The following MYPN variants were observed in gnomAD, a reference collection of about 807,000 sequenced individuals.
MYPN encodes the protein myopalladin.
MYPN carries 63 observed loss-of-function variants against 129.4 expected under a neutral mutation model. The ratio of observed to expected loss-of-function variants is 0.49; its 90% CI spans 0.40 to 0.60. MYPN has a LOEUF of 0.60. Ranked by LOEUF, MYPN falls within the 20% of genes least tolerant of loss-of-function variation. The pLI, the probability that MYPN is intolerant of heterozygous loss-of-function variation, is 0.00. For missense variants in MYPN, 1,596 were observed against 1,635.4 expected (o/e 0.98, Z 0.42); for synonymous variants, 629 against 600.9 (o/e 1.05, Z -0.68).
At chr10:68,136,149 C>T (rs1007203918) in intron 2 of MYPN, 3 of 866,338 alleles carry the variant, frequency 3.5e-6, no homozygotes, top group African/African-American at 1.8e-5. Context: ...TGATAAAGAG[C>T]CAAAAGTCCA....
chr10:68,206,948 C>A (rs895751397), intron 19 of MYPN, 45 bp downstream of exon 19: 1 of 1,612,294 alleles, frequency 6.2e-7, no homozygotes, highest in Non-Finnish European at 8.5e-7. Flanking sequence ...CAACTGACAG[C>A]TTAAAAATAT....
At position 68,142,993 on chromosome 10, in the gene MYPN, A is replaced by T; in HGVS notation, c.956A>T (p.Gln319Leu). Reference sequence around the variant, plus strand: ...AATTCCCCAGATATTCACATCGTCCAGGCAGGAAATCTGCACTCACTGACC... The same window carrying T: ...AATTCCCCAGATATTCACATCGTCCTGGCAGGAAATCTGCACTCACTGACC... ...LENSPDIHIV[Q>L]AGNLHSLTIA... The change falls in exon 3 of 20, where the codon CAG becomes CTG. Residue 319 changes from glutamine to leucine, a missense_variant. Transcript: ENST00000358913. 3.1e-6 allele frequency: 5 copies of T among 1,614,202 alleles called. No individual in the cohort carries two copies. The highest frequency in any genetic ancestry group is 4.2e-6 in the Non-Finnish European group (5 of 1,180,018).
chr10:68,150,667 G>A (rs1414273971), intron 6 of MYPN, among the ~76,000 whole-genome samples: 2 of 152,158 alleles, frequency 1.3e-5, no homozygotes, highest in African/African-American at 4.8e-5. Flanking sequence ...CCAAGGGAGG[G>A]CCAGAGAGAT....
chr10:68,101,127 A>C (rs74143010), upstream of MYPN, among the ~76,000 whole-genome samples: 839 of 152,256 alleles, frequency 5.5e-3, 7 homozygotes, highest in African/African-American at 0.019. Flanking sequence ...AAAAAGAAAA[A>C]TTTTGTATAG....
intron 10 of MYPN, among the ~76,000 whole-genome samples, chr10:68,170,805 C>A (rs1364072603): frequency 4.6e-5 from 7 of 152,156 alleles, no homozygotes. Flanking sequence ...AATCTCTCCA[C>A]AGATTATTTT....
intron 2 of MYPN, among the ~76,000 whole-genome samples, chr10:68,134,894 T>C (rs868356477): frequency 4.3e-4 from 66 of 152,290 alleles, no homozygotes; most frequent in Middle Eastern, 3.4e-3. Flanking sequence ...CTTATGCTTT[T>C]CTTAAGTTAC....
chr10:68,131,992 C>T (rs747960914), intron 2 of MYPN, among the ~76,000 whole-genome samples: 8 of 151,902 alleles, frequency 5.3e-5, no homozygotes, highest in Non-Finnish European at 1.0e-4. Flanking sequence ...CTTTATAATC[C>T]TCTATTTCGT....
chr10:68,117,676 C>T (rs956295970), intron 1 of MYPN, among the ~76,000 whole-genome samples: 1 of 152,092 alleles, frequency 6.6e-6, no homozygotes, highest in African/African-American at 2.4e-5. Context: ...TGAATGTAGA[C>T]TTTGGTTTTT....
At chr10:68,170,738 A>G (rs1194759542) in intron 10 of MYPN, among the ~76,000 whole-genome samples, 1 of 152,220 alleles carries the variant, frequency 6.6e-6, no homozygotes, top group African/African-American at 2.4e-5. Flanking sequence ...GCTACACTCT[A>G]GAATAAAATG....
chr10:68,115,644 C>T (rs1376854598), intron 1 of MYPN, among the ~76,000 whole-genome samples: 1 of 152,182 alleles, frequency 6.6e-6, no homozygotes, highest in Non-Finnish European at 1.5e-5. Context: ...TGCATAGCAG[C>T]CATGATGGAA....
At position 68,143,037 on chromosome 10, in the gene MYPN, G is replaced by A. The variant is rs751334582; in HGVS notation, c.1000G>A (p.Glu334Lys). ...HSLTIAEAFE[E>K]DTGRYSCFAS... ...ACTGACCATTGCGGAAGCCTTTGAA[G>A]AGGACACAGGACGCTATTCCTGCTT... The change falls in exon 3 of 20, where the codon GAG (glutamate) becomes AAG (lysine). Residue 334 changes from glutamate to lysine, a missense_variant. Glu to Lys is a moderately conservative substitution (Grantham distance 56, BLOSUM62 1). Transcript: ENST00000358913. 1.9e-6 allele frequency: 3 copies of A among 1,614,168 alleles called. No homozygotes were observed. The highest frequency in any genetic ancestry group is 2.5e-6 in the Non-Finnish European group (3 of 1,180,008).
chr10:68,132,980 C>G (rs1207949592), intron 2 of MYPN, among the ~76,000 whole-genome samples: 1 of 151,562 alleles, frequency 6.6e-6, no homozygotes, highest in Non-Finnish European at 1.5e-5. Context: ...CACCCCAAAA[C>G]CTAACTGGAA....
At position 68,158,432 on chromosome 10, in the gene MYPN, G is replaced by A. The variant is rs1358636862; in HGVS notation, c.1318-54G>A. ...TTTCTAAAATTCAACACCGAAACTA[G>A]ATTACAAAAATGTGTACTTTTTTGT... is the stretch of plus-strand genomic sequence containing the variant. On this transcript the variant is annotated intron_variant, in intron 6 of 19. Coordinates refer to ENST00000358913, the MANE Select transcript of MYPN (RefSeq NM_032578.4). The A allele has an allele frequency of 1.9e-6, 3 of 1,561,848 alleles. No homozygotes were observed. The East Asian group carries it at 6.7e-5, about 35-fold the overall frequency.
chr10:68,145,636 AC>A, intron 4 of MYPN, 110 bp downstream of exon 4: 1 of 849,622 alleles, frequency 1.2e-6, no homozygotes, highest in Non-Finnish European at 1.9e-6. Flanking sequence ...CCAGGGTTTG[AC>A]CACAAAAATA....
At position 68,161,741 on chromosome 10, in the gene MYPN, T is replaced by G; in HGVS notation, c.1472T>G (p.Met491Arg). Reference protein sequence around the residue: ...FRILQKKPRSMAEPEEICTLV... With the variant: ...FRILQKKPRSRAEPEEICTLV... ...TCTTTTCTTTTAGAACCTCGATCCATGGCAGAGCCAGGTAAAGATGATTTC... is the reference window on the plus strand; with the variant it reads ...TCTTTTCTTTTAGAACCTCGATCCAGGGCAGAGCCAGGTAAAGATGATTTC... The change falls in exon 8 of 20, where the codon ATG (methionine) becomes AGG (arginine). Residue 491 changes from methionine (M) to arginine (R), a missense_variant. Met to Arg is a moderately conservative substitution (Grantham distance 91, BLOSUM62 -1). Transcript: ENST00000358913. 6.2e-7 allele frequency: 1 copy of G among 1,611,208 alleles called. No individual in the cohort carries two copies. The highest frequency in any genetic ancestry group is 8.5e-7 in the Non-Finnish European group (1 of 1,177,796).
chr10:68,094,667 C>T (rs1401955881), intron 1 of MYPN, among the ~76,000 whole-genome samples: 1 of 152,102 alleles, frequency 6.6e-6, no homozygotes, highest in Non-Finnish European at 1.5e-5. Flanking sequence ...AAATTTATTT[C>T]GTGATATGTA....
intron 12 of MYPN, among the ~76,000 whole-genome samples, chr10:68,186,083 CTT>C (rs969150740): frequency 6.6e-6 from 1 of 152,106 alleles, no homozygotes; most frequent in Non-Finnish European, 1.5e-5. Context: ...AGGAAATAAT[CTT>C]AATATATTTC....
chr10:68,166,486 T>C lies in MYPN; in HGVS notation c.1793T>C (p.Val598Ala), dbSNP rs1229958073. ...PRSSSRIGLR[V>A]HFNLPEDDKG... ...TCCAGCTCCAGGATTGGGCTTCGTG[T>C]GCACTTCAACCTGCCTGAAGATGAC... The change falls in exon 10 of 20, where the codon GTG (valine) becomes GCG (alanine). Residue 598 changes from valine to alanine, a missense_variant. Val to Ala is a moderately conservative substitution (Grantham distance 64). Coordinates refer to ENST00000358913, the MANE Select transcript of MYPN (RefSeq NM_032578.4). 1.2e-6 allele frequency: 2 copies of C among 1,614,130 alleles called. No individual in the cohort carries two copies. Among genetic ancestry groups the C allele is most frequent in the South Asian group, 1.1e-5 (1 of 91,076 alleles).
intron 18 of MYPN, among the ~76,000 whole-genome samples, chr10:68,204,177 G>A (rs1425480004): frequency 6.6e-6 from 1 of 152,188 alleles, no homozygotes; most frequent in African/African-American, 2.4e-5. Flanking sequence ...CCCACGACTA[G>A]ACTGTGAGCA....
Sources: allele counts gnomAD v4.1 joint callset (sites outside exome capture counted in the v4.1 genomes callset), GRCh38; gene constraint gnomAD v4.1.1; transcripts MANE v1.5; gene names NCBI Gene and HGNC (gene_info 2026-07-23, HGNC 2026-07-21).